SYT9: variants seen among roughly 807,000 people sequenced by gnomAD.
SYT9 encodes synaptotagmin-9.
In SYT9, 22 loss-of-function variants were observed where a neutral mutation model predicts 48.4. The ratio of observed to expected loss-of-function variants is 0.45; its 90% CI spans 0.32 to 0.65. The LOEUF is 0.65. Among genes scored for constraint, SYT9 ranks in the 30% least tolerant of loss-of-function variants. SYT9 has a pLI of 0.03. For missense variants in SYT9, 577 were observed against 622.0 expected (o/e 0.93, Z 0.77); for synonymous variants, 265 against 245.0 (o/e 1.08, Z -0.76).
chr11:7,465,530 T>G (rs530470998), intron 6 of SYT9, among the ~76,000 whole-genome samples: 25 of 152,282 alleles, frequency 1.6e-4, no homozygotes, highest in Admixed American at 1.4e-3. Context: ...TGCCCTGAGT[T>G]TAAATTAAGT....
At chr11:7,244,292 A>G (rs1200144431) in intron 1 of SYT9, among the ~76,000 whole-genome samples, 1 of 152,246 alleles carries the variant, frequency 6.6e-6, no homozygotes, top group East Asian at 1.9e-4. Context: ...GGAGAGAGGA[A>G]TACAGATTTT....
intron 2 of SYT9, among the ~76,000 whole-genome samples, chr11:7,308,649 C>T (rs1849075982): frequency 6.6e-6 from 1 of 152,174 alleles, no homozygotes; most frequent in African/African-American, 2.4e-5. Context: ...CAAGTATCAT[C>T]TCCTTCATAA....
chr11:7,415,318 T>C (rs1262619578), intron 3 of SYT9, among the ~76,000 whole-genome samples: 2 of 152,052 alleles, frequency 1.3e-5, no homozygotes, highest in African/African-American at 4.8e-5. Context: ...AGTGTCCTTG[T>C]TTGGAGCTAT....
intron 6 of SYT9, among the ~76,000 whole-genome samples, chr11:7,446,223 T>G (rs559124191): frequency 6.6e-6 from 1 of 152,360 alleles, no homozygotes; most frequent in South Asian, 2.1e-4. Context: ...CAAGTCTCTA[T>G]GTTCAAGGAT....
At chr11:7,380,847 A>G (rs1850547427) in intron 3 of SYT9, among the ~76,000 whole-genome samples, 1 of 152,164 alleles carries the variant, frequency 6.6e-6, no homozygotes, top group South Asian at 2.1e-4. Flanking sequence ...CATCTACTTC[A>G]GATGTTGTAT....
intron 3 of SYT9, among the ~76,000 whole-genome samples, chr11:7,365,127 A>G (rs77165993): frequency 2.0e-5 from 3 of 152,130 alleles, no homozygotes; most frequent in Non-Finnish European, 4.4e-5. Context: ...TGCAAGGCTT[A>G]TGAAATGAAA....
rs1287477306 is a variant in SYT9 at position 7,328,082 on chromosome 11, T to A, written c.1044+14141T>A. On this transcript the variant is annotated intron_variant, in intron 3 of 6. Transcript: ENST00000318881. ...AAACTTAAAGTATAATTAAAAATAA[T>A]AATAATAATAATAATAATTTTAAAA... is the stretch of plus-strand genomic sequence containing the variant. Among the ~76,000 whole-genome samples, 131 of 15,002 alleles carry A rather than the reference T, an allele frequency of 8.7e-3. No homozygotes were observed. In the East Asian group the frequency reaches 0.37, roughly 42 times the overall value. 9.8% of individuals were successfully genotyped at this position (15,002 alleles called of 152,430 possible).
chr11:7,264,084 T>C (rs576360524), intron 1 of SYT9, among the ~76,000 whole-genome samples: 28 of 152,256 alleles, frequency 1.8e-4, no homozygotes, highest in Admixed American at 4.6e-4. Context: ...TGGGCACAGG[T>C]GGGCAGATGT....
chr11:7,454,127 T>G (rs1848107336), intron 6 of SYT9: 1 of 985,272 alleles, frequency 1.0e-6, no homozygotes, highest in African/African-American at 1.7e-5. Flanking sequence ...TTCCTTTCCT[T>G]GCTACCTACC....
chr11:7,452,868 C>T (rs752430194), intron 6 of SYT9, among the ~76,000 whole-genome samples: 31 of 152,060 alleles, frequency 2.0e-4, no homozygotes, highest in African/African-American at 6.0e-4. Flanking sequence ...CCACAACCTC[C>T]GCCTCCTGGG....
At chr11:7,279,433 C>A (rs1415468289) in intron 1 of SYT9, among the ~76,000 whole-genome samples, 3 of 152,140 alleles carry the variant, frequency 2.0e-5, no homozygotes, top group African/African-American at 7.2e-5. Context: ...CAGGAAGATA[C>A]TTCCTTATGG....
At chr11:7,370,345 G>C (rs1467692304) in intron 3 of SYT9, among the ~76,000 whole-genome samples, 1 of 152,120 alleles carries the variant, frequency 6.6e-6, no homozygotes, top group Non-Finnish European at 1.5e-5. Flanking sequence ...TTTTTTTAAA[G>C]ACTGTTTCCT....
intron 3 of SYT9, among the ~76,000 whole-genome samples, chr11:7,378,280 A>T (rs927507601): frequency 6.6e-6 from 1 of 152,108 alleles, no homozygotes; most frequent in Non-Finnish European, 1.5e-5. Flanking sequence ...AGGAGAAAGA[A>T]CTGCTGGAAA....
intron 3 of SYT9, among the ~76,000 whole-genome samples, chr11:7,358,219 T>G (rs1850060913): frequency 6.6e-6 from 1 of 152,138 alleles, no homozygotes; most frequent in South Asian, 2.1e-4. Context: ...TTTTTTAGAT[T>G]TATTTATCAG....
At chr11:7,355,748 G>C (rs952081131) in intron 3 of SYT9, among the ~76,000 whole-genome samples, 1 of 152,238 alleles carries the variant, frequency 6.6e-6, no homozygotes, top group Non-Finnish European at 1.5e-5. Context: ...AGACAGAAAG[G>C]AAGTCTTATC....
At chr11:7,358,189 G>T (rs909074663) in intron 3 of SYT9, among the ~76,000 whole-genome samples, 1 of 152,010 alleles carries the variant, frequency 6.6e-6, no homozygotes, top group Non-Finnish European at 1.5e-5. Context: ...CATAATAATG[G>T]TCTTCTTAAA....
intron 1 of SYT9, among the ~76,000 whole-genome samples, chr11:7,267,373 A>G (rs1417747435): frequency 1.3e-5 from 2 of 151,930 alleles, no homozygotes; most frequent in Non-Finnish European, 2.9e-5. Context: ...GACAATAAAA[A>G]GGAAAAGTTA....
At position 7,345,905 on chromosome 11, in the gene SYT9, G is replaced by C. The variant is rs1001886199; in HGVS notation, c.1044+31964G>C. On this transcript the variant is annotated intron_variant, in intron 3 of 6. Transcript: ENST00000318881. ...GGAAAAGAAGACCTTAATCTGAGCA[G>C]AGAGAGCCAAAGAGGTAAAAGGAAA... Among the ~76,000 whole-genome samples the C allele has an allele frequency of 1.7e-4, 26 of 152,216 alleles. 1 individual carries two copies. Among genetic ancestry groups the C allele is most frequent in the Admixed American group, 1.0e-3 (16 of 15,282 alleles).
chr11:7,377,881 G>A (rs1335724889), intron 3 of SYT9, among the ~76,000 whole-genome samples: 3 of 152,146 alleles, frequency 2.0e-5, no homozygotes, highest in Non-Finnish European at 4.4e-5. Context: ...CTAGCTATGT[G>A]AGCTTGGACA....
Sources: allele counts gnomAD v4.1 joint callset (sites outside exome capture counted in the v4.1 genomes callset), GRCh38; gene constraint gnomAD v4.1.1; transcripts MANE v1.5; gene names NCBI Gene and HGNC (gene_info 2026-07-23, HGNC 2026-07-21).